IQCH: variants seen among roughly 807,000 people sequenced by gnomAD.
IQCH encodes IQ motif containing H, also known as IQ domain-containing protein H.
In IQCH, 98 loss-of-function variants were observed where a neutral mutation model predicts 117.0. The ratio of observed to expected loss-of-function variants is 0.84; its 90% CI spans 0.71 to 0.99. The LOEUF (loss-of-function observed/expected upper bound fraction) is 0.99. Ranked by LOEUF, IQCH falls within the 50% of genes least tolerant of loss-of-function variation. The probability of loss-of-function intolerance (pLI) is 0.00; values close to 1 mark genes in which losing one functional copy is unlikely to be tolerated. For synonymous variants in IQCH, 412 were observed against 448.2 expected, an observed-to-expected ratio of 0.92 and a Z score of 1.02; for missense variants, 1,102 against 1,243.8, an observed-to-expected ratio of 0.89 and a Z score of 1.72.
chr15:67,380,704 T>C (rs1567141970), intron 10 of IQCH, among the ~76,000 whole-genome samples: 1 of 152,244 alleles, frequency 6.6e-6, no homozygotes, highest in Non-Finnish European at 1.5e-5. Context: ...GTCACTCTTC[T>C]TCACCTTTCT....
intron 4 of IQCH, among the ~76,000 whole-genome samples, chr15:67,289,194 CAA>C (rs995793637): frequency 3.9e-5 from 6 of 151,962 alleles, no homozygotes; most frequent in African/African-American, 9.7e-5. Flanking sequence ...ACATTAGTGA[CAA>C]AGAGAACTAT....
intron 8 of IQCH, among the ~76,000 whole-genome samples, chr15:67,368,834 T>G (rs80236010): frequency 0.01 from 1,574 of 152,220 alleles, 23 homozygotes; most frequent in African/African-American, 0.036. Flanking sequence ...CATAAAGACA[T>G]TTGTCTTAGA....
intron 16 of IQCH, among the ~76,000 whole-genome samples, chr15:67,446,293 A>T (rs62016032): frequency 0.019 from 2,941 of 152,352 alleles, 70 homozygotes; most frequent in Non-Finnish European, 0.023. Context: ...TGCTTAGCAG[A>T]TAACAGGTAG....
rs1291901461 is a variant in IQCH, at chr15:67,417,616, C to T, written c.2218+565C>T. Among the ~76,000 whole-genome samples the T allele has an allele frequency of 2.0e-5, 3 of 152,190 alleles. No individual in the cohort carries two copies. Among genetic ancestry groups the T allele is most frequent in the African/African-American group, 7.2e-5 (3 of 41,446 alleles). On this transcript the variant is annotated intron_variant, in intron 15 of 20. Coordinates refer to ENST00000335894, the MANE Select transcript of IQCH (RefSeq NM_001031715.3). This position sits in a 1 kb window ranked among gnomAD's most constrained non-coding sequence, Gnocchi z 4.3. ...GAACAAAGCGAGCCTCCATTCCTTT[C>T]ATCCTCCTCCTCCTACTTCATCCTC...
Position 67,475,444 on chromosome 15 carries a change from C to T in IQCH, c.2677-252C>T, listed in dbSNP as rs2083179802. ...AGTGAGCCCAGATTGTGCCACTGCA[C>T]TCCAGCCTGGGTGACAAAGTGAGAC... is the stretch of plus-strand genomic sequence containing the variant. On this transcript the variant is annotated intron_variant, in intron 17 of 20. Coordinates refer to ENST00000335894, the MANE Select transcript of IQCH (RefSeq NM_001031715.3). This position sits in a 1 kb window ranked among gnomAD's most constrained non-coding sequence, Gnocchi z 5.7. 6.6e-6 allele frequency among the ~76,000 whole-genome samples: 1 copy of T among 152,104 alleles called. No individual in the cohort carries two copies. The highest frequency in any genetic ancestry group is 2.4e-5 in the African/African-American group (1 of 41,412).
intron 4 of IQCH, among the ~76,000 whole-genome samples, chr15:67,298,462 G>T (rs1224519240): frequency 2.0e-5 from 3 of 152,046 alleles, no homozygotes; most frequent in African/African-American, 4.8e-5. Flanking sequence ...CTAAAGACAG[G>T]CAATAACAAA....
chr15:67,298,699 T>C (rs935809575), intron 4 of IQCH, among the ~76,000 whole-genome samples: 1 of 152,044 alleles, frequency 6.6e-6, no homozygotes, highest in Non-Finnish European at 1.5e-5. Context: ...AACCCGTTTC[T>C]ACTAAAAATT....
At position 67,436,696 on chromosome 15, in the gene IQCH, G is replaced by C. The variant is rs75505758; in HGVS notation, c.2505+15119G>C. On this transcript the variant is annotated intron_variant, in intron 16 of 20. Coordinates refer to ENST00000335894, the MANE Select transcript of IQCH (RefSeq NM_001031715.3). This position sits in a 1 kb window ranked among gnomAD's most constrained non-coding sequence, Gnocchi z 5.1. ...TTGCCCTCTGCCTGGAAAGAGACTC[G>C]GGGCTGTTGTGGAGAGGCATGGTGG... is the stretch of plus-strand genomic sequence containing the variant. Among the ~76,000 whole-genome samples, 1 of 152,246 alleles carries C rather than the reference G, an allele frequency of 6.6e-6. No individual in the cohort carries two copies. Among genetic ancestry groups the C allele is most frequent in the South Asian group, 2.1e-4 (1 of 4,820 alleles).
chr15:67,350,472 G>C (rs1324622403), intron 6 of IQCH, among the ~76,000 whole-genome samples: 2 of 152,148 alleles, frequency 1.3e-5, no homozygotes, highest in African/African-American at 4.8e-5. Context: ...TGTTGCCCAG[G>C]TTGGAGTGCA....
At chr15:67,255,068 T>C in intron 1 of IQCH, 121 bp downstream of exon 1, 2 of 972,216 alleles carry the variant, frequency 2.1e-6, no homozygotes, top group Non-Finnish European at 3.2e-6. Flanking sequence ...TCCCTCCAAC[T>C]CGCGAGAGGC....
In IQCH at chr15:67,456,938, A is replaced by G. The variant is rs2082671583; in HGVS notation, c.2506-8189A>G. Among the ~76,000 whole-genome samples the G allele has an allele frequency of 6.6e-6, 1 of 152,144 alleles. No homozygotes were observed. Among genetic ancestry groups the G allele is most frequent in the Non-Finnish European group, 1.5e-5 (1 of 68,026 alleles). ...AGATGGAAGCTCTAGTTGCTCAAAG[A>G]TAGCTTCGTGGAGCTGTGATTTAAG... On this transcript the variant is annotated intron_variant, in intron 16 of 20. Coordinates refer to ENST00000335894, the MANE Select transcript of IQCH (RefSeq NM_001031715.3). The surrounding 1 kb of genome is among the most constrained non-coding windows in gnomAD (Gnocchi z 5.1).
In IQCH at chr15:67,467,915, C is replaced by T. The variant is rs2141027878; in HGVS notation, c.2676+2618C>T. ...TGCTATATAGAAGGAAAGCAAACAC[C>T]TTCCTGGGCTCTCAGAAGAGCTGTT... On this transcript the variant is annotated intron_variant, in intron 17 of 20. Transcript: ENST00000335894. This position sits in a 1 kb window ranked among gnomAD's most constrained non-coding sequence, Gnocchi z 5.7. Among the ~76,000 whole-genome samples the T allele has an allele frequency of 6.6e-6, 1 of 152,278 alleles. No individual in the cohort carries two copies. Among genetic ancestry groups the T allele is most frequent in the East Asian group, 1.9e-4 (1 of 5,190 alleles).
Position 67,433,892 on chromosome 15 carries a change from T to C in IQCH, c.2505+12315T>C, listed in dbSNP as rs755665472. ...CCAGCTGTCACCTGTGGTCAAGACTTTTTATGTGATAAATTTTCTCTTACA... is the reference window on the plus strand; with the variant it reads ...CCAGCTGTCACCTGTGGTCAAGACTCTTTATGTGATAAATTTTCTCTTACA... On this transcript the variant is annotated intron_variant, in intron 16 of 20. Transcript: ENST00000335894. The surrounding 1 kb of genome is among the most constrained non-coding windows in gnomAD (Gnocchi z 5.4). 6.6e-6 allele frequency among the ~76,000 whole-genome samples: 1 copy of C among 152,240 alleles called. No individual in the cohort carries two copies. Among genetic ancestry groups the C allele is most frequent in the African/African-American group, 2.4e-5 (1 of 41,464 alleles).
intron 4 of IQCH, among the ~76,000 whole-genome samples, chr15:67,294,614 A>G (rs939550147): frequency 1.3e-5 from 2 of 152,182 alleles, no homozygotes; most frequent in Non-Finnish European, 2.9e-5. Flanking sequence ...AGCTGCAGCA[A>G]TCATCTTGCA....
At chr15:67,346,693 G>C (rs1567114944) in intron 6 of IQCH, among the ~76,000 whole-genome samples, 1 of 152,126 alleles carries the variant, frequency 6.6e-6, no homozygotes, top group East Asian at 1.9e-4. Flanking sequence ...GACTATGATA[G>C]AACGGTATTA....
Position 67,395,651 on chromosome 15 carries a change from C to A in IQCH, c.1905+88C>A. On this transcript the variant is annotated intron_variant, in intron 13 of 20. Transcript: ENST00000335894. The surrounding 1 kb of genome is among the most constrained non-coding windows in gnomAD (Gnocchi z 4.0). The stretch of plus-strand genomic sequence containing the variant: ...AATTTCCAAGTCTTCTGGAGCCAGA[C>A]CTACCCAATGAAGAATAGGTGGAAT... 1 of 1,186,246 alleles carries A rather than the reference C, an allele frequency of 8.4e-7. No individual in the cohort carries two copies. The highest frequency in any genetic ancestry group is 1.2e-6 in the Non-Finnish European group (1 of 828,286). 73.5% of individuals were successfully genotyped at this position (1,186,246 alleles called of 1,614,324 possible). A position where few individuals can be genotyped will look rare whatever the true frequency, so the allele number is the denominator to read the frequency against.
At position 67,373,435 on chromosome 15, in the gene IQCH, T is replaced by G; in HGVS notation, c.1372+2T>G. 6.3e-7 allele frequency: 1 copy of G among 1,597,966 alleles called. No homozygotes were observed. The highest frequency in any genetic ancestry group is 8.6e-7 in the Non-Finnish European group (1 of 1,165,608). The stretch of plus-strand genomic sequence containing the variant: ...CTATTATCCATATCCCATCATTAGG[T>G]ATAACACTTTTGCCTGCAAATCTAT... On this transcript the variant is annotated splice_donor_variant, in intron 10 of 20. Transcript: ENST00000335894. LOFTEE classifies it high-confidence loss of function.
intron 4 of IQCH, among the ~76,000 whole-genome samples, chr15:67,332,760 T>C (rs1968720011): frequency 6.6e-6 from 1 of 152,164 alleles, no homozygotes; most frequent in Non-Finnish European, 1.5e-5. Flanking sequence ...AGCTAAGATA[T>C]AGTATTCAAA....
At chr15:67,418,577 CTT>C (rs1174414517) in intron 15 of IQCH, among the ~76,000 whole-genome samples, 2 of 103,388 alleles carry the variant, frequency 1.9e-5, no homozygotes, top group Admixed American at 1.1e-4. Flanking sequence ...GGTGTTTTTA[CTT>C]TTTTTTTTTT....
Sources: gnomAD v4.1 joint callset for allele counts (sites outside exome capture counted in the v4.1 genomes callset) on GRCh38, gnomAD v4.1.1 for gene constraint, Gnocchi (gnomAD v3.1) non-coding constraint, MANE v1.5 for transcripts, NCBI Gene and HGNC (gene_info 2026-07-23, HGNC 2026-07-21) for gene names.